Variants in RSPH14 observed in about 807,000 individuals in gnomAD.
RSPH14 encodes the protein rhabdoid tumor deletion region gene 1.
In RSPH14, 20 loss-of-function variants were observed where a neutral mutation model predicts 26.7. The observed-to-expected ratio is 0.75, with a 90% CI of 0.53 to 1.09. RSPH14 has a LOEUF of 1.09. Among genes scored for constraint, RSPH14 ranks in the 50% least tolerant of loss-of-function variants. The pLI is 0.00. For missense variants in RSPH14, 449 were observed against 457.2 expected (o/e 0.98, Z 0.16); for synonymous variants, 177 against 189.3 (o/e 0.93, Z 0.53).
At chr22:23,138,737 C>G in intron 3 of RSPH14, 103 bp downstream of exon 3, 1 of 939,010 alleles carries the variant, frequency 1.1e-6, no homozygotes, top group Admixed American at 2.6e-5. Flanking sequence ...AAAACTGATG[C>G]GGCAGACAAC....
the RSPH14 span, chr22:23,159,393 C>T: frequency 1.2e-6 from 1 of 823,820 alleles, no homozygotes; most frequent in Non-Finnish European, 1.9e-6. Flanking sequence ...GCATCACAGC[C>T]CTGCTGTGCT....
chr22:23,093,227 GTGAC>G (rs2069037226), intron 4 of RSPH14, among the ~76,000 whole-genome samples: 1 of 152,262 alleles, frequency 6.6e-6, no homozygotes, highest in African/African-American at 2.4e-5. Flanking sequence ...ATTGGGCTGA[GTGAC>G]TGTTTAATCA....
At chr22:23,107,444 G>A (rs1411996307) in intron 4 of RSPH14, among the ~76,000 whole-genome samples, 2 of 152,180 alleles carry the variant, frequency 1.3e-5, no homozygotes. Flanking sequence ...AAAGTCGAGG[G>A]CCTCATGAAA....
intron 4 of RSPH14, among the ~76,000 whole-genome samples, chr22:23,100,923 T>C (rs1309958303): frequency 2.6e-5 from 4 of 152,222 alleles, no homozygotes; most frequent in Admixed American, 2.6e-4. Context: ...ACCCTAGCGC[T>C]GTGGTTTATC....
chr22:23,157,301 A>C, the RSPH14 span, among the ~76,000 whole-genome samples: 2 of 150,814 alleles, frequency 1.3e-5, no homozygotes, highest in Non-Finnish European at 2.9e-5. Flanking sequence ...CCCAAACTGG[A>C]GTGCAGTGGC....
At chr22:23,138,992 T>C (rs2070537944) in intron 2 of RSPH14, 50 bp from the exon 3 acceptor site, 1 of 1,479,688 alleles carries the variant, frequency 6.8e-7, no homozygotes, top group Admixed American at 2.1e-5. Context: ...TTTTTGCCAG[T>C]CTCAGAAACC....
intron 4 of RSPH14, among the ~76,000 whole-genome samples, chr22:23,080,607 G>C (rs2068649676): frequency 6.6e-6 from 1 of 152,258 alleles, no homozygotes; most frequent in Admixed American, 6.5e-5. Context: ...CCATCAGGCA[G>C]GTTGTGGGGA....
intron 4 of RSPH14, among the ~76,000 whole-genome samples, chr22:23,113,469 A>G (rs1013507076): frequency 1.3e-5 from 2 of 152,334 alleles, no homozygotes; most frequent in South Asian, 4.1e-4. Context: ...GCTTGCACCT[A>G]CAAGCTTCCC....
At chr22:23,127,930 C>T (rs1230397425) in intron 4 of RSPH14, among the ~76,000 whole-genome samples, 4 of 152,288 alleles carry the variant, frequency 2.6e-5, no homozygotes, top group South Asian at 2.1e-4. Context: ...CTCCTCCTCT[C>T]GGGCTGGTGC....
rs16997857 is a variant in RSPH14 at position 23,140,295 on chromosome 22, C to G, written c.126G>C (p.Thr42=). The G allele has an allele frequency of 1.2e-6, 2 of 1,614,052 alleles. No homozygotes were observed. Among genetic ancestry groups the G allele is most frequent in the African/African-American group, 2.7e-5 (2 of 74,922 alleles). The change falls in exon 2 of 7, where the codon ACG becomes ACC. Residue 42 remains threonine, a synonymous_variant. Transcript: ENST00000216036. ...KEELQSEDLQ[T]RQKALMALCD... Reference sequence around the variant, plus strand: ...ACAAGGCCATGAGGGCTTTCTGCCTCGTCTGGAGGTCCTCTGACTGCAGCT... The same window carrying G: ...ACAAGGCCATGAGGGCTTTCTGCCTGGTCTGGAGGTCCTCTGACTGCAGCT...
chr22:23,113,678 C>T (rs2069726149), intron 4 of RSPH14, among the ~76,000 whole-genome samples: 1 of 152,264 alleles, frequency 6.6e-6, no homozygotes, highest in African/African-American at 2.4e-5. Context: ...CCACTCGGTA[C>T]ACCTGCCAGG....
At chr22:23,154,786 A>G in the RSPH14 span, among the ~76,000 whole-genome samples, 1 of 152,334 alleles carries the variant, frequency 6.6e-6, no homozygotes, top group Non-Finnish European at 1.5e-5. Context: ...GAATTAATGA[A>G]AGAATGAAGC....
chr22:23,150,979 T>C, the RSPH14 span, among the ~76,000 whole-genome samples: 3 of 152,360 alleles, frequency 2.0e-5, no homozygotes, highest in African/African-American at 7.2e-5. Context: ...CTGCCACCAC[T>C]GGCAGAGGGA....
chr22:23,136,710 T>C lies in RSPH14; in HGVS notation c.302+2130A>G, dbSNP rs761252934. Among the ~76,000 whole-genome samples, 2 of 139,466 alleles carry C rather than the reference T, an allele frequency of 1.4e-5. 1 individual carries two copies. Among genetic ancestry groups the C allele is most frequent in the Non-Finnish European group, 3.2e-5 (2 of 62,480 alleles). 91.5% of individuals were successfully genotyped at this position (139,466 alleles called of 152,430 possible). On this transcript the variant is annotated intron_variant, in intron 3 of 6. Transcript: ENST00000216036. ...ATTACTTTTGCACTAACCTGATAATTGCTCAGGCTTCAGGGACCTGTCCTC... is the reference window on the plus strand; with the variant it reads ...ATTACTTTTGCACTAACCTGATAATCGCTCAGGCTTCAGGGACCTGTCCTC...
chr22:23,164,708 G>T, the RSPH14 span, among the ~76,000 whole-genome samples: 3 of 152,088 alleles, frequency 2.0e-5, no homozygotes, highest in Non-Finnish European at 4.4e-5. Flanking sequence ...CTGCCGAAAC[G>T]CCTTTTTCCT....
the RSPH14 span, among the ~76,000 whole-genome samples, chr22:23,157,254 GT>G: frequency 0.5 from 73,381 of 145,870 alleles, 18,049 homozygotes; most frequent in East Asian, 0.63. Context: ...GGACTAACAG[GT>G]TTTTTTTTTT....
intron 4 of RSPH14, among the ~76,000 whole-genome samples, chr22:23,077,448 G>T (rs975367671): frequency 6.6e-6 from 1 of 152,192 alleles, no homozygotes; most frequent in Non-Finnish European, 1.5e-5. Context: ...CACTCTACAA[G>T]GCCGGGAGCC....
chr22:23,074,598 G>A (rs748818323), intron 4 of RSPH14, among the ~76,000 whole-genome samples: 5 of 152,200 alleles, frequency 3.3e-5, no homozygotes, highest in Non-Finnish European at 5.9e-5. Flanking sequence ...CGGGGACCAC[G>A]TGAGGTCACT....
At chr22:23,161,283 G>C in the RSPH14 span, among the ~76,000 whole-genome samples, 1 of 152,180 alleles carries the variant, frequency 6.6e-6, no homozygotes, top group Non-Finnish European at 1.5e-5. Context: ...AGGCTCTGCA[G>C]ATGTGTCCTG....
Sources: allele counts gnomAD v4.1 joint callset (sites outside exome capture counted in the v4.1 genomes callset), GRCh38; gene constraint gnomAD v4.1.1; transcripts MANE v1.5; gene names NCBI Gene and HGNC (gene_info 2026-07-23, HGNC 2026-07-21).